The following LINGO3 variants were observed in gnomAD, a reference collection of about 807,000 sequenced individuals.
LINGO3 encodes the protein leucine-rich repeat and immunoglobulin-like domain-containing nogo receptor-interacting protein 3.
For missense variants in LINGO3, 750 were observed against 867.7 expected (o/e 0.86, Z 1.70); for synonymous variants, 427 against 444.2 (o/e 0.96, Z 0.49).
chr19:2,303,579 C>T, the LINGO3 span, among the ~76,000 whole-genome samples: 3 of 152,174 alleles, frequency 2.0e-5, no homozygotes, highest in African/African-American at 7.2e-5. Flanking sequence ...GGACTTGCAT[C>T]CACAGGCAAT....
At chr19:2,304,710 CTTTTTTTTTTT>C in the LINGO3 span, among the ~76,000 whole-genome samples, 136 of 73,260 alleles carry the variant, frequency 1.9e-3, 2 homozygotes, top group African/African-American at 6.3e-3. Flanking sequence ...CCATGTCCTG[CTTTTTTTTTTT>C]TTTTTTTTTT....
rs2145085043 is a variant in LINGO3 at position 2,290,204 on chromosome 19, T to A, written c.1573A>T (p.Thr525Ser). 1 of 1,609,730 alleles carries A rather than the reference T, an allele frequency of 6.2e-7. No homozygotes were observed. Among genetic ancestry groups the A allele is most frequent in the Non-Finnish European group, 8.5e-7 (1 of 1,178,762 alleles). ...ATGGCGGTGGACACCAGGATGGTGG[T>A]GAGGTCGAGCGGCGCGCGCAGGGCC... Residue 525 changes from threonine (T) to serine (S), a missense_variant, in exon 1 of 1, where the codon ACC becomes TCC. Physicochemically the swap from Thr to Ser is moderately conservative, Grantham distance 58. Transcript: ENST00000585527. The surrounding 1 kb of genome is among the most constrained non-coding windows in gnomAD (Gnocchi z 6.0).
the LINGO3 span, among the ~76,000 whole-genome samples, chr19:2,308,116 G>A: frequency 6.9e-6 from 1 of 145,842 alleles, no homozygotes; most frequent in Non-Finnish European, 1.5e-5. Context: ...GCTGCGGCGC[G>A]GGGGCCGCCC....
upstream of LINGO3, among the ~76,000 whole-genome samples, chr19:2,296,564 C>T (rs529141760): frequency 5.8e-4 from 89 of 152,152 alleles, 1 homozygote; most frequent in African/African-American, 2.0e-3. Flanking sequence ...CTGCAACCTC[C>T]ACCTCCTGGG....
At chr19:2,303,116 C>A in the LINGO3 span, among the ~76,000 whole-genome samples, 6 of 152,208 alleles carry the variant, frequency 3.9e-5, no homozygotes, top group African/African-American at 1.2e-4. Context: ...GCCCCGTCCC[C>A]TTCAGCAGTC....
At chr19:2,304,790 C>T in the LINGO3 span, among the ~76,000 whole-genome samples, 1 of 138,644 alleles carries the variant, frequency 7.2e-6, no homozygotes, top group Non-Finnish European at 1.5e-5. Flanking sequence ...TCACTGCAAC[C>T]TCTGCCTCCC....
chr19:2,291,074 G>C, exon 1 of LINGO3: 1 of 1,610,068 alleles, frequency 6.2e-7, no homozygotes, highest in Non-Finnish European at 8.5e-7. Context: ...ACCTCCTCCA[G>C]CAGCGGCCAG....
chr19:2,290,580 G>A lies in LINGO3; in HGVS notation c.1197C>T (p.Phe399=). ...TGGGTTTGCGGCACACGAAGTACTCGAACAGCACGGAGTCCGGCAGGTTTC... is the reference window on the plus strand; with the variant it reads ...TGGGTTTGCGGCACACGAAGTACTCAAACAGCACGGAGTCCGGCAGGTTTC... The change falls in exon 1 of 1, where the codon TTC becomes TTT. Residue 399 remains phenylalanine (F), a synonymous_variant. Transcript: ENST00000585527. This position sits in a 1 kb window ranked among gnomAD's most constrained non-coding sequence, Gnocchi z 6.0. The A allele has an allele frequency of 6.4e-7, 1 of 1,573,646 alleles. No homozygotes were observed. The highest frequency in any genetic ancestry group is 1.1e-5 in the South Asian group (1 of 87,742).
At chr19:2,292,919 A>C (rs2145089071), upstream of LINGO3, among the ~76,000 whole-genome samples, 1 of 152,322 alleles carries the variant, frequency 6.6e-6, no homozygotes, top group African/African-American at 2.4e-5. Context: ...TGGATGGGTC[A>C]GCACCGTGCA....
At chr19:2,301,128 C>T in the LINGO3 span, among the ~76,000 whole-genome samples, 8 of 152,086 alleles carry the variant, frequency 5.3e-5, no homozygotes, top group Admixed American at 4.6e-4. Context: ...AGGCTGTGCA[C>T]GTTGAAATCC....
At chr19:2,291,492 G>A (rs1367094826) in exon 1 of LINGO3, 2 of 1,611,940 alleles carry the variant, frequency 1.2e-6, no homozygotes, top group Non-Finnish European at 1.7e-6. Context: ...CGAAGGCGCC[G>A]GGCTCCACGT....
upstream of LINGO3, among the ~76,000 whole-genome samples, chr19:2,292,820 AAC>A (rs1242333165): frequency 1.3e-5 from 2 of 152,070 alleles, no homozygotes; most frequent in Non-Finnish European, 2.9e-5. Flanking sequence ...AAGAGAATGG[AAC>A]ACACAGCGCA....
chr19:2,299,124 G>T, the LINGO3 span, among the ~76,000 whole-genome samples: 1 of 152,116 alleles, frequency 6.6e-6, no homozygotes, highest in Admixed American at 6.6e-5. Flanking sequence ...CTGATCCCTC[G>T]CGCCCAGCAG....
At chr19:2,289,567 C>G (rs1406102202), downstream of LINGO3, among the ~76,000 whole-genome samples, 1 of 152,034 alleles carries the variant, frequency 6.6e-6, no homozygotes, top group Non-Finnish European at 1.5e-5. Context: ...TCCACCGTCT[C>G]CCCGATGCGA....
At chr19:2,301,914 C>T in the LINGO3 span, among the ~76,000 whole-genome samples, 3,517 of 118,456 alleles carry the variant, frequency 0.03, 195 homozygotes, top group African/African-American at 0.11. Context: ...GGCGACAGAG[C>T]GAGACTCCAT....
upstream of LINGO3, among the ~76,000 whole-genome samples, chr19:2,295,847 C>G: frequency 6.6e-6 from 1 of 152,140 alleles, no homozygotes; most frequent in African/African-American, 2.4e-5. Flanking sequence ...CCACGTGGAA[C>G]AGCACAGAGT....
exon 1 of LINGO3, chr19:2,291,928 T>C: frequency 3.0e-6 from 2 of 673,590 alleles, no homozygotes; most frequent in African/African-American, 1.8e-5. Context: ...GGCTCGCTCC[T>C]GTAAACCCAG....
At chr19:2,302,487 G>A in the LINGO3 span, among the ~76,000 whole-genome samples, 1 of 152,194 alleles carries the variant, frequency 6.6e-6, no homozygotes, top group South Asian at 2.1e-4. Context: ...TCACCTCCTC[G>A]GCTCTGCGCC....
the LINGO3 span, among the ~76,000 whole-genome samples, chr19:2,302,778 G>T: frequency 6.6e-6 from 1 of 152,256 alleles, no homozygotes; most frequent in Non-Finnish European, 1.5e-5. Context: ...CCTTTGGCAG[G>T]GGGGCCGGGC....
Sources: allele counts gnomAD v4.1 joint callset (sites outside exome capture counted in the v4.1 genomes callset), GRCh38; gene constraint gnomAD v4.1.1; non-coding constraint Gnocchi (gnomAD v3.1); transcripts MANE v1.5; gene names NCBI Gene and HGNC (gene_info 2026-07-23, HGNC 2026-07-21).